VGLL4: variants seen among roughly 807,000 people sequenced by gnomAD.
VGLL4 encodes transcription cofactor vestigial-like protein 4.
In VGLL4, 7 loss-of-function variants were observed where a neutral mutation model predicts 21.0. That is an observed-to-expected ratio of 0.33 (90% CI 0.19 to 0.63). The LOEUF is 0.63. VGLL4 is among the 20% of genes least tolerant of loss of function. The pLI, the probability that VGLL4 is intolerant of heterozygous loss-of-function variation, is 0.78. For synonymous variants in VGLL4, 222 were observed against 173.2 expected (o/e 1.28, Z -2.21); for missense variants, 394 against 425.7 (o/e 0.93, Z 0.66).
intron 2 of VGLL4, among the ~76,000 whole-genome samples, chr3:11,688,502 A>G (rs1343624702): frequency 6.6e-6 from 1 of 152,002 alleles, no homozygotes; most frequent in African/African-American, 2.4e-5. Context: ...TACATTTTCC[A>G]TTTTTTGGTT....
rs150522783 is a variant in VGLL4 at position 11,629,206 on chromosome 3, T to C, written c.82+14231A>G. ...ACTCAGGAGAAAAGACTGAAATCAA[T>C]AGTGCAATATGGTTGTTTCTGGGGT... On this transcript the variant is annotated intron_variant, in intron 1 of 4. Coordinates refer to ENST00000430365, the MANE Select transcript of VGLL4 (RefSeq NM_001128219.3). Among the ~76,000 whole-genome samples the C allele has an allele frequency of 6.0e-3, 915 of 152,332 alleles. 10 individuals carry two copies. Among genetic ancestry groups the C allele is most frequent in the Non-Finnish European group, 9.6e-3 (650 of 68,018 alleles).
In VGLL4 at chr3:11,568,877, C is replaced by G; in HGVS notation, c.273-3858G>C. 1.5e-6 allele frequency: 2 copies of G among 1,346,556 alleles called. No homozygotes were observed. The highest frequency in any genetic ancestry group is 1.9e-6 in the Non-Finnish European group (2 of 1,047,190). 83.4% of individuals were successfully genotyped at this position (1,346,556 alleles called of 1,614,324 possible). On this transcript the variant is annotated intron_variant, in intron 2 of 4. Transcript: ENST00000430365. The surrounding 1 kb of genome is among the most constrained non-coding windows in gnomAD (Gnocchi z 5.9). Reference sequence around the variant, plus strand: ...GCCTATCAGAGCCGCTGAGGCTGCACGGCACCCGGCCCCGCCCCGGGCCTC... The same window carrying G: ...GCCTATCAGAGCCGCTGAGGCTGCAGGGCACCCGGCCCCGCCCCGGGCCTC...
intron 2 of VGLL4, among the ~76,000 whole-genome samples, chr3:11,670,428 A>T (rs964532423): frequency 3.3e-5 from 5 of 152,188 alleles, no homozygotes; most frequent in African/African-American, 1.2e-4. Context: ...TCGTCTCTAG[A>T]GATGAGAGAA....
chr3:11,614,295 C>T (rs1318891851), intron 1 of VGLL4, among the ~76,000 whole-genome samples: 3 of 152,238 alleles, frequency 2.0e-5, no homozygotes, highest in Non-Finnish European at 4.4e-5. Context: ...TGCCTGGCAG[C>T]GTCCCTTGTG....
intron 1 of VGLL4, among the ~76,000 whole-genome samples, chr3:11,602,423 C>T (rs918313661): frequency 3.3e-5 from 5 of 151,982 alleles, no homozygotes; most frequent in African/African-American, 1.2e-4. Context: ...CCACTATGCC[C>T]AACTCACTTT....
chr3:11,612,686 G>A (rs946953127), intron 1 of VGLL4: 5 of 152,178 alleles, frequency 3.3e-5, no homozygotes, highest in East Asian at 1.9e-4. Flanking sequence ...CTTAGAGTGC[G>A]AGCTCCGCTG....
chr3:11,711,809 C>T (rs958257246), intron 1 of VGLL4, among the ~76,000 whole-genome samples: 6 of 152,180 alleles, frequency 3.9e-5, no homozygotes, highest in Non-Finnish European at 8.8e-5. Context: ...GAAAAGTAAA[C>T]TCCCTGCCCT....
intron 1 of VGLL4, among the ~76,000 whole-genome samples, chr3:11,638,656 A>G (rs2125326276): frequency 6.6e-6 from 1 of 152,268 alleles, no homozygotes; most frequent in South Asian, 2.1e-4. Flanking sequence ...CTCGGAATAC[A>G]TCCCAGATCA....
chr3:11,703,155 T>C lies in VGLL4; in HGVS notation c.-13-108A>G, dbSNP rs566465632. On this transcript the variant is annotated intron_variant, in intron 1 of 5. Transcript: ENST00000273038. ...GTCCTCAACCAAATGCAAATCATTC[T>C]TCTAAGGATGAAATTCTTCCCACAT... is the stretch of plus-strand genomic sequence containing the variant. 3 of 944,490 alleles carry C rather than the reference T, an allele frequency of 3.2e-6. No individual in the cohort carries two copies. The South Asian group carries it at 5.7e-5, about 18-fold the overall frequency. 58.5% of individuals were successfully genotyped at this position (944,490 alleles called of 1,614,324 possible). A position where few individuals can be genotyped will look rare whatever the true frequency, so the allele number is the denominator to read the frequency against.
chr3:11,608,153 A>G (rs542747110), intron 1 of VGLL4, among the ~76,000 whole-genome samples: 54 of 152,344 alleles, frequency 3.5e-4, no homozygotes, highest in African/African-American at 1.2e-3. Context: ...TTTCAAGAAT[A>G]AACAGAAGGA....
chr3:11,591,342 C>T (rs2074490794), intron 2 of VGLL4, among the ~76,000 whole-genome samples: 1 of 152,220 alleles, frequency 6.6e-6, no homozygotes. Flanking sequence ...CAGATCAGAA[C>T]CACAGAGGCT....
intron 2 of VGLL4, among the ~76,000 whole-genome samples, chr3:11,655,027 G>A (rs1309061638): frequency 6.6e-6 from 1 of 152,112 alleles, no homozygotes; most frequent in East Asian, 1.9e-4. Flanking sequence ...TCTATTTGAG[G>A]CTTCTATTTG....
rs112825551 is a variant in VGLL4, at chr3:11,560,673, G to A, written c.496-1218C>T. Among the ~76,000 whole-genome samples, 205 of 152,292 alleles carry A rather than the reference G, an allele frequency of 1.3e-3. 1 individual carries two copies. The highest frequency in any genetic ancestry group is 4.3e-3 in the African/African-American group (177 of 41,566). On this transcript the variant is annotated intron_variant, in intron 3 of 4. Transcript: ENST00000430365. ...CCTGTGCTTGGGTCTAACAAGAAGC[G>A]ACACATGCCAGGGTAGGGGGGGATG...
chr3:11,632,999 C>T (rs1377374646), intron 1 of VGLL4: 3 of 152,240 alleles, frequency 2.0e-5, no homozygotes, highest in African/African-American at 4.8e-5. Flanking sequence ...TGTTTTCCTA[C>T]AGAAGCTAAG....
intron 2 of VGLL4, among the ~76,000 whole-genome samples, chr3:11,656,411 G>A (rs530625445): frequency 6.6e-6 from 1 of 152,192 alleles, no homozygotes; most frequent in East Asian, 1.9e-4. Context: ...CCGGAGGCTA[G>A]AGGAGTTCCC....
In VGLL4 at chr3:11,715,152, A is replaced by G. The variant is rs542800499; in HGVS notation, c.-14+5242T>C. ...TCCGTCTCAAAAAAAAAAAAAAAAA[A>G]GATGAATTTGCATCACAGCCCAAGT... On this transcript the variant is annotated intron_variant, in intron 1 of 5. Coordinates refer to the VGLL4 transcript ENST00000273038. Among the ~76,000 whole-genome samples the G allele has an allele frequency of 4.7e-4, 72 of 151,716 alleles. 1 individual carries two copies. Among genetic ancestry groups the G allele is most frequent in the African/African-American group, 1.6e-3 (66 of 41,414 alleles).
chr3:11,623,752 T>TA (rs2075306456), intron 1 of VGLL4, among the ~76,000 whole-genome samples: 1 of 151,668 alleles, frequency 6.6e-6, no homozygotes, highest in South Asian at 2.1e-4. Context: ...AAATTTTCTT[T>TA]TTTTTTTTTT....
intron 2 of VGLL4, among the ~76,000 whole-genome samples, chr3:11,590,663 A>T (rs533930320): frequency 7.5e-4 from 111 of 147,376 alleles, no homozygotes; most frequent in African/African-American, 2.6e-3. Flanking sequence ...CAAAATGAAG[A>T]GTGTGTGTGT....
At chr3:11,681,240 G>A (rs2076364728) in intron 2 of VGLL4, among the ~76,000 whole-genome samples, 1 of 152,068 alleles carries the variant, frequency 6.6e-6, no homozygotes, top group Non-Finnish European at 1.5e-5. Flanking sequence ...TGGGACTACA[G>A]GTGCCCGCCA....
Sources: gnomAD v4.1 joint callset for allele counts (sites outside exome capture counted in the v4.1 genomes callset) on GRCh38, gnomAD v4.1.1 for gene constraint, Gnocchi (gnomAD v3.1) non-coding constraint, MANE v1.5 for transcripts, NCBI Gene and HGNC (gene_info 2026-07-23, HGNC 2026-07-21) for gene names.